The following CRCP variants were observed in gnomAD, a reference collection of about 807,000 sequenced individuals.
CRCP encodes DNA-directed RNA polymerase III subunit RPC9.
Under a neutral mutation model 18.5 loss-of-function variants are expected in CRCP, and 18 were observed. The observed-to-expected ratio is 0.97, with a 90% CI of 0.67 to 1.44. CRCP has a LOEUF of 1.44. Ranked by LOEUF, CRCP falls within the 40% of genes most tolerant of loss-of-function variation. The probability of loss-of-function intolerance (pLI) is 0.00; values close to 1 mark genes in which losing one functional copy is unlikely to be tolerated. For synonymous variants in CRCP, 53 were observed against 62.9 expected (o/e 0.84, Z 0.75); for missense variants, 130 against 176.4 (o/e 0.74, Z 1.49).
At chr7:66,148,922 T>G (rs191693215) in intron 5 of CRCP, among the ~76,000 whole-genome samples, 154 of 152,372 alleles carry the variant, frequency 1.0e-3, no homozygotes, top group African/African-American at 3.5e-3. Flanking sequence ...TTCAGTGAAC[T>G]GTTCTGGATC....
chr7:66,152,482 G>T lies in CRCP; in HGVS notation c.*125G>T. On this transcript the variant is annotated 3_prime_UTR_variant, in exon 6 of 6. Transcript: ENST00000395326. ...AGCAGGCCTGGCTTTGTGGTTAGTT[G>T]GGTACATCACAAAAATAAGTTAAAA... The T allele has an allele frequency of 2.2e-5, 22 of 1,009,252 alleles. No homozygotes were observed. In the South Asian group the frequency reaches 3.6e-4, roughly 17 times the overall value. The allele number at this position is 1,009,252 out of a possible 1,614,324, so 62.5% of individuals were successfully genotyped here. A position where few individuals can be genotyped will look rare whatever the true frequency, so the allele number is the denominator to read the frequency against.
chr7:66,132,391 ATGTC>A (rs1211571117), intron 3 of CRCP, among the ~76,000 whole-genome samples: 2 of 152,140 alleles, frequency 1.3e-5, no homozygotes, highest in African/African-American at 4.8e-5. Flanking sequence ...ATTTTGTAGA[ATGTC>A]TGTTGATTTG....
chr7:66,114,883 G>T lies in CRCP; in HGVS notation c.-80G>T. On this transcript the variant is annotated 5_prime_UTR_variant, in exon 1 of 6. Coordinates refer to ENST00000395326, the MANE Select transcript of CRCP (RefSeq NM_014478.5). ...TGGCGCGCGGAGCTGGCACCTTGGC[G>T]CTGTTGGTGGCGGCGGAGACAGCTG... is the stretch of plus-strand genomic sequence containing the variant. 1 of 1,608,706 alleles carries T rather than the reference G, an allele frequency of 6.2e-7. No homozygotes were observed. Among genetic ancestry groups the T allele is most frequent in the Non-Finnish European group, 8.5e-7 (1 of 1,175,742 alleles).
At chr7:66,144,738 A>T (rs1391284871) in intron 4 of CRCP, among the ~76,000 whole-genome samples, 1 of 152,180 alleles carries the variant, frequency 6.6e-6, no homozygotes, top group Admixed American at 6.5e-5. Context: ...CTGGCCTCCC[A>T]AAGTGCTGGG....
Position 66,152,560 on chromosome 7 carries a change from G to GAAA in CRCP, c.*203_*204insAAA. 1.7e-6 allele frequency: 1 copy of GAAA among 583,246 alleles called. No homozygotes were observed. Among genetic ancestry groups the GAAA allele is most frequent in the Non-Finnish European group, 3.0e-6 (1 of 336,972 alleles). 36.1% of individuals were successfully genotyped at this position (583,246 alleles called of 1,614,324 possible). A position where few individuals can be genotyped will look rare whatever the true frequency, so the allele number is the denominator to read the frequency against. On this transcript the variant is annotated 3_prime_UTR_variant, in exon 6 of 6. Coordinates refer to ENST00000395326, the MANE Select transcript of CRCP (RefSeq NM_014478.5). ...AACATGGTGAAAACAGGCTGAGGTT[G>GAAA]TCAGGGCAGAGAGCTGAAGGTGGGG... is the stretch of plus-strand genomic sequence containing the variant.
chr7:66,140,054 T>G (rs780157717), intron 4 of CRCP, among the ~76,000 whole-genome samples: 1 of 152,262 alleles, frequency 6.6e-6, no homozygotes, highest in Non-Finnish European at 1.5e-5. Flanking sequence ...TTGGGCACTC[T>G]GGACAGCAAG....
In CRCP at chr7:66,130,848, G is replaced by T. The variant is rs1787779854; in HGVS notation, c.144+6G>T. Reference sequence around the variant, plus strand: ...TGAACACTATCACCTATGAAGTAAGGCTGGGCTTCTGCCAGGCCTACCTAA... The same window carrying T: ...TGAACACTATCACCTATGAAGTAAGTCTGGGCTTCTGCCAGGCCTACCTAA... On this transcript the variant is annotated splice_donor_region_variant and intron_variant, in intron 3 of 5. Transcript: ENST00000395326. The T allele has an allele frequency of 6.8e-7, 1 of 1,471,608 alleles. No homozygotes were observed. The highest frequency in any genetic ancestry group is 2.3e-5 in the East Asian group (1 of 43,976). 91.2% of individuals were successfully genotyped at this position (1,471,608 alleles called of 1,614,324 possible). A position where few individuals can be genotyped will look rare whatever the true frequency, so the allele number is the denominator to read the frequency against.
At chr7:66,140,639 C>T (rs974119250) in intron 4 of CRCP, among the ~76,000 whole-genome samples, 1 of 152,190 alleles carries the variant, frequency 6.6e-6, no homozygotes, top group East Asian at 1.9e-4. Context: ...TGATTCGCCG[C>T]CTCAGCCTCC....
rs771827277 is a variant in CRCP, at chr7:66,145,443, A to G, written c.240A>G (p.Lys80=). Residue 80 remains lysine (K), a splice_region_variant and synonymous_variant, in exon 5 of 6, where the codon AAA becomes AAG. Coordinates refer to ENST00000395326, the MANE Select transcript of CRCP (RefSeq NM_014478.5). ...LTALKSHKLT[K]AEKLQLLNHR... The stretch of plus-strand genomic sequence containing the variant: ...TCAACGCTGTACTTTCCCTCCACAG[A>G]GCTGAGAAGCTCCAGCTGCTGAACC... The G allele has an allele frequency of 3.7e-6, 6 of 1,613,814 alleles. No homozygotes were observed. The highest frequency in any genetic ancestry group is 1.1e-5 in the South Asian group (1 of 91,062).
At chr7:66,151,574 C>T (rs143133173) in intron 5 of CRCP, among the ~76,000 whole-genome samples, 5 of 150,338 alleles carry the variant, frequency 3.3e-5, no homozygotes, top group Non-Finnish European at 5.9e-5. Context: ...TCCTGCCCCC[C>T]CAAAAAAAAA....
chr7:66,120,677 C>T (rs1428201571), intron 1 of CRCP: 6 of 151,996 alleles, frequency 3.9e-5, no homozygotes, highest in African/African-American at 1.2e-4. Flanking sequence ...TCTCCTTATA[C>T]GCAGATTTTA....
chr7:66,117,948 G>A (rs1404926098), intron 1 of CRCP, among the ~76,000 whole-genome samples: 1 of 151,938 alleles, frequency 6.6e-6, no homozygotes, highest in Non-Finnish European at 1.5e-5. Flanking sequence ...TTTCCTCCTC[G>A]CCCTCGTCCT....
chr7:66,146,320 G>A (rs924796678), intron 5 of CRCP, among the ~76,000 whole-genome samples: 1 of 152,098 alleles, frequency 6.6e-6, no homozygotes, highest in African/African-American at 2.4e-5. Context: ...GGGATAAGGG[G>A]CCCGGGAAAT....
intron 5 of CRCP, chr7:66,150,673 G>A (rs892897864): frequency 6.6e-6 from 1 of 152,038 alleles, no homozygotes; most frequent in Non-Finnish European, 1.5e-5. Context: ...AGGATTGCAG[G>A]CCTGTCTTAT....
chr7:66,133,831 T>C (rs984573591), intron 3 of CRCP, among the ~76,000 whole-genome samples: 14 of 150,256 alleles, frequency 9.3e-5, no homozygotes, highest in Non-Finnish European at 1.9e-4. Flanking sequence ...TTTTGTTTTA[T>C]ACAGGATTTT....
At chr7:66,138,454 C>G (rs1340370312) in intron 4 of CRCP, among the ~76,000 whole-genome samples, 1 of 151,828 alleles carries the variant, frequency 6.6e-6, no homozygotes, top group Admixed American at 6.6e-5. Context: ...CCTCTGGCTG[C>G]TGTTAAGATT....
At chr7:66,141,572 G>C (rs1788139933) in intron 4 of CRCP, among the ~76,000 whole-genome samples, 2 of 152,142 alleles carry the variant, frequency 1.3e-5, no homozygotes, top group African/African-American at 4.8e-5. Context: ...AGAAAATCCA[G>C]AAGGAGATGA....
chr7:66,151,769 T>TTA, intron 5 of CRCP, among the ~76,000 whole-genome samples: 1 of 146,944 alleles, frequency 6.8e-6, no homozygotes, highest in Non-Finnish European at 1.5e-5. Flanking sequence ...TTTTTTTTTT[T>TTA]TTAGACAAAG....
chr7:66,132,779 G>A (rs1489555206), intron 3 of CRCP, among the ~76,000 whole-genome samples: 6 of 151,738 alleles, frequency 4.0e-5, no homozygotes, highest in South Asian at 4.2e-4. Context: ...GCGTAGTGGC[G>A]GGCGCCTGTA....
Sources: allele counts gnomAD v4.1 joint callset (sites outside exome capture counted in the v4.1 genomes callset), GRCh38; gene constraint gnomAD v4.1.1; transcripts MANE v1.5; gene names NCBI Gene and HGNC (gene_info 2026-07-23, HGNC 2026-07-21).